Variants in KIAA0319L observed in about 807,000 individuals in gnomAD.
The protein encoded by KIAA0319L is dyslexia-associated protein KIAA0319-like protein.
In KIAA0319L, 55 loss-of-function variants were observed where a neutral mutation model predicts 120.1. The ratio of observed to expected loss-of-function variants is 0.46; its 90% confidence interval spans 0.37 to 0.57. KIAA0319L has a LOEUF of 0.57. KIAA0319L is among the 20% of genes least tolerant of loss of function. KIAA0319L has a pLI of 0.00. For missense variants in KIAA0319L, 1,049 were observed against 1,255.3 expected, an observed-to-expected ratio of 0.84 and a Z score of 2.48; for synonymous variants, 398 against 471.9, an observed-to-expected ratio of 0.84 and a Z score of 2.03.
At chr1:35,550,785 C>CT in intron 2 of KIAA0319L, among the ~76,000 whole-genome samples, 1 of 152,130 alleles carries the variant, frequency 6.6e-6, no homozygotes, top group African/African-American at 2.4e-5. Context: ...GCCGGCTGGT[C>CT]TCAAACCCCT....
chr1:35,490,904 ACTCT>A (rs1295748239), intron 3 of KIAA0319L, among the ~76,000 whole-genome samples: 2 of 151,382 alleles, frequency 1.3e-5, no homozygotes, highest in South Asian at 2.1e-4. Flanking sequence ...TTCCCACTTG[ACTCT>A]CTCTCTTTCC....
chr1:35,510,665 G>A (rs994269472), intron 2 of KIAA0319L: 7 of 151,804 alleles, frequency 4.6e-5, no homozygotes, highest in Non-Finnish European at 8.8e-5. Context: ...CTGGAGAGCA[G>A]TGGCACATCA....
At chr1:35,473,112 T>TTTAA in intron 5 of KIAA0319L, among the ~76,000 whole-genome samples, 2 of 126,228 alleles carry the variant, frequency 1.6e-5, no homozygotes, top group Non-Finnish European at 1.7e-5. Context: ...TTCTTTTTTT[T>TTTAA]TGAGACAGAG....
At chr1:35,443,805 T>C (rs1641409435) in intron 17 of KIAA0319L, among the ~76,000 whole-genome samples, 1 of 152,240 alleles carries the variant, frequency 6.6e-6, no homozygotes, top group South Asian at 2.1e-4. Context: ...TAGGAAATTA[T>C]TTGTGATTTC....
intron 3 of KIAA0319L, among the ~76,000 whole-genome samples, chr1:35,500,717 T>C (rs1012085516): frequency 6.6e-6 from 1 of 152,186 alleles, no homozygotes; most frequent in Non-Finnish European, 1.5e-5. Flanking sequence ...TAGAATGAGA[T>C]CTGCAGTGCA....
Position 35,453,822 on chromosome 1 carries a change from T to C in KIAA0319L, c.1781-133A>G. 3.6e-6 allele frequency: 3 copies of C among 822,586 alleles called. No individual in the cohort carries two copies. Among genetic ancestry groups the C allele is most frequent in the Non-Finnish European group, 5.6e-6 (3 of 539,310 alleles). 51.0% of individuals were successfully genotyped at this position (822,586 alleles called of 1,614,324 possible). A position where few individuals can be genotyped will look rare whatever the true frequency, so the allele number is the denominator to read the frequency against. ...CAGAACTGTCAGATACTGTGGGAGA[T>C]GTGGTTACCGTCAGGGAGCACACAA... On this transcript the variant is annotated intron_variant, in intron 11 of 20. Coordinates refer to ENST00000325722, the MANE Select transcript of KIAA0319L (RefSeq NM_024874.5). The surrounding 1 kb of genome is among the most constrained non-coding windows in gnomAD (Gnocchi z 4.1).
intron 2 of KIAA0319L, among the ~76,000 whole-genome samples, chr1:35,535,678 ATGT>A (rs556025719): frequency 1.3e-5 from 2 of 152,122 alleles, no homozygotes; most frequent in Admixed American, 6.6e-5. Flanking sequence ...GCCATTATTT[ATGT>A]TGTTGTTGTT....
intron 2 of KIAA0319L, among the ~76,000 whole-genome samples, chr1:35,526,384 CATACATAT>C (rs1646136869): frequency 9.0e-6 from 1 of 110,836 alleles, no homozygotes; most frequent in Non-Finnish European, 1.7e-5. Flanking sequence ...TATATATATA[CATACATAT>C]ATATATATAT....
chr1:35,435,523 C>T (rs1345622417), intron 20 of KIAA0319L: 1 of 163,924 alleles, frequency 6.1e-6, no homozygotes, highest in Non-Finnish European at 1.3e-5. Flanking sequence ...AGTGCTGGCA[C>T]AGCAGGAGTG....
In KIAA0319L at chr1:35,545,639, T is replaced by G. The variant is rs531573034; in HGVS notation, c.142+8711A>C. On this transcript the variant is annotated intron_variant, in intron 2 of 20. Transcript: ENST00000325722. ...ATAGAGAATGACTTAGGCAGCCAGG[T>G]GCGGTGGCTCACACCTGTAACCCCA... 4.0e-4 allele frequency among the ~76,000 whole-genome samples: 61 copies of G among 152,214 alleles called. 1 individual carries two copies. The South Asian group carries it at 0.012, about 29-fold the overall frequency.
In KIAA0319L at chr1:35,460,197, A is replaced by G. The variant is rs534947064; in HGVS notation, c.1427+108T>C. The G allele has an allele frequency of 8.8e-6, 8 of 914,068 alleles. No homozygotes were observed. The Admixed American group carries it at 9.1e-5, about 10-fold the overall frequency. The allele number at this position is 914,068 out of a possible 1,614,324, so 56.6% of individuals were successfully genotyped here. A position where few individuals can be genotyped will look rare whatever the true frequency, so the allele number is the denominator to read the frequency against. On this transcript the variant is annotated intron_variant, in intron 9 of 20. Coordinates refer to ENST00000325722, the MANE Select transcript of KIAA0319L (RefSeq NM_024874.5). ...GAACCAAAAGCTGTATTATCAACCAACTCCACAGTGAATTTGATATTTGTC... is the reference window on the plus strand; with the variant it reads ...GAACCAAAAGCTGTATTATCAACCAGCTCCACAGTGAATTTGATATTTGTC...
intron 3 of KIAA0319L, among the ~76,000 whole-genome samples, chr1:35,484,797 TATATA>T (rs1327144421): frequency 0.18 from 11,925 of 65,040 alleles, 995 homozygotes; most frequent in Middle Eastern, 0.24. Context: ...TATATATATA[TATATA>T]TATATTTTTT....
Position 35,448,164 on chromosome 1 carries a change from C to T in KIAA0319L, c.2513+9G>A. ...TTTCCTTTGCTCCCCCCATTCATTG[C>T]CCAGCTACCTCTGCTCCGTGTACGG... On this transcript the variant is annotated intron_variant, in intron 16 of 20. Transcript: ENST00000325722. 2 of 1,579,658 alleles carry T rather than the reference C, an allele frequency of 1.3e-6. No homozygotes were observed. Among genetic ancestry groups the T allele is most frequent in the Non-Finnish European group, 1.7e-6 (2 of 1,161,032 alleles).
rs749088262 is a variant in KIAA0319L at position 35,442,859 on chromosome 1, A to G, written c.2779+47T>C. 4 of 1,613,066 alleles carry G rather than the reference A, an allele frequency of 2.5e-6. No individual in the cohort carries two copies. The South Asian group carries it at 4.4e-5, about 18-fold the overall frequency. ...ACACCCACCCACTCAGTGCAGAACC[A>G]CATTCAGCGCCAAACAGGCTGGCAC... On this transcript the variant is annotated intron_variant, in intron 18 of 20. Transcript: ENST00000325722.
At position 35,454,479 on chromosome 1, in the gene KIAA0319L, T is replaced by G. The variant is rs770653760; in HGVS notation, c.1663A>C (p.Arg555=). 1 of 1,614,064 alleles carries G rather than the reference T, an allele frequency of 6.2e-7. No homozygotes were observed. Among genetic ancestry groups the G allele is most frequent in the South Asian group, 1.1e-5 (1 of 91,074 alleles). The change falls in exon 11 of 21, where the codon AGA becomes CGA. Residue 555 remains arginine, a synonymous_variant. Transcript: ENST00000325722. ...GCAGAGAGCTGTAAGGTTGGTGTTC[T>G]AACACCCTACAAATACAAATACAGA... The part of the protein sequence containing the change: ...KGKVVEMQGV[R]TPTLQLSAMQ...
At position 35,460,371 on chromosome 1, in the gene KIAA0319L, T is replaced by C; in HGVS notation, c.1361A>G (p.Glu454Gly). 1 of 1,612,504 alleles carries C rather than the reference T, an allele frequency of 6.2e-7. No individual in the cohort carries two copies. The highest frequency in any genetic ancestry group is 8.5e-7 in the Non-Finnish European group (1 of 1,178,556). Residue 454 changes from glutamate to glycine, a missense_variant, in exon 9 of 21, where the codon GAG (glutamate) becomes GGG (glycine). By Grantham distance (98) the Glu-to-Gly change is moderately conservative. Coordinates refer to ENST00000325722, the MANE Select transcript of KIAA0319L (RefSeq NM_024874.5). ...TATGGCTGTATCTTCAGAAATCTTC[T>C]CTTCTCTTAGAGGCCCCTTAAGTTC... ...WEELKGPLRE[E>G]KISEDTAILK...
rs183860644 is a variant in KIAA0319L, at chr1:35,526,279, T to C, written c.143-19144A>G. Among the ~76,000 whole-genome samples, 119 of 147,948 alleles carry C rather than the reference T, an allele frequency of 8.0e-4. 1 individual carries two copies. The highest frequency in any genetic ancestry group is 1.4e-3 in the Non-Finnish European group (96 of 67,206). On this transcript the variant is annotated intron_variant, in intron 2 of 20. Coordinates refer to ENST00000325722, the MANE Select transcript of KIAA0319L (RefSeq NM_024874.5). ...ATATACATATATATATATATGTATA[T>C]ATTTAAAACCCACATATATATGTAC...
At chr1:35,507,939 A>C (rs903526501) in intron 2 of KIAA0319L, among the ~76,000 whole-genome samples, 1 of 152,228 alleles carries the variant, frequency 6.6e-6, no homozygotes, top group Non-Finnish European at 1.5e-5. Context: ...GGACTGTTTT[A>C]ATTATTTCAG....
At position 35,544,198 on chromosome 1, in the gene KIAA0319L, T is replaced by C. The variant is rs928868434; in HGVS notation, c.142+10152A>G. On this transcript the variant is annotated intron_variant, in intron 2 of 20. Transcript: ENST00000325722. ...GCCTGGGCAACACAGTGAAACCCCA[T>C]CTCTACTAAAAATACAAAAAATTAG... 2.0e-5 allele frequency among the ~76,000 whole-genome samples: 3 copies of C among 151,796 alleles called. No homozygotes were observed. The East Asian group carries it at 5.8e-4, about 29-fold the overall frequency.
Sources: allele counts gnomAD v4.1 joint callset (sites outside exome capture counted in the v4.1 genomes callset), GRCh38; gene constraint gnomAD v4.1.1; non-coding constraint Gnocchi (gnomAD v3.1); transcripts MANE v1.5; gene names NCBI Gene and HGNC (gene_info 2026-07-23, HGNC 2026-07-21).